Variants in PRUNE1 observed in about 807,000 individuals in gnomAD.
PRUNE1 encodes the protein exopolyphosphatase PRUNE1.
Under a neutral mutation model 42.5 loss-of-function variants are expected in PRUNE1, and 25 were observed. That is an observed-to-expected ratio of 0.59 (90% CI 0.43 to 0.82). The LOEUF (loss-of-function observed/expected upper bound fraction) is 0.82, where lower values mean the gene tolerates loss of function less well. Ranked by LOEUF, PRUNE1 falls within the 40% of genes least tolerant of loss-of-function variation. The pLI is 0.00. For missense variants in PRUNE1, 443 were observed against 539.3 expected, an observed-to-expected ratio of 0.82 and a Z score of 1.77; for synonymous variants, 203 against 217.1, an observed-to-expected ratio of 0.93 and a Z score of 0.57.
intron 1 of PRUNE1, among the ~76,000 whole-genome samples, chr1:151,015,550 C>T (rs1255652044): frequency 6.7e-6 from 1 of 150,234 alleles, no homozygotes; most frequent in Non-Finnish European, 1.5e-5. Flanking sequence ...AAGAGAATCT[C>T]TTGAACCCAG....
intron 7 of PRUNE1, 78 bp downstream of exon 7, chr1:151,029,022 T>C (rs1675061404): frequency 7.0e-7 from 1 of 1,422,042 alleles, no homozygotes; most frequent in African/African-American, 1.4e-5. Context: ...ACAGCTGTCC[T>C]ATAAGGACCT....
intron 3 of PRUNE1, among the ~76,000 whole-genome samples, chr1:151,022,235 A>T (rs766740929): frequency 2.0e-5 from 3 of 147,264 alleles, no homozygotes; most frequent in Non-Finnish European, 4.5e-5. Flanking sequence ...CAACCTCCCA[A>T]GTAGCTGGGA....
chr1:151,027,790 G>GCGCA (rs1259170586), intron 6 of PRUNE1, among the ~76,000 whole-genome samples: 25 of 150,480 alleles, frequency 1.7e-4, no homozygotes, highest in African/African-American at 5.9e-4. Flanking sequence ...GTGCGCGCGC[G>GCGCA]TGTATGTATG....
intron 1 of PRUNE1, among the ~76,000 whole-genome samples, chr1:151,009,894 G>A (rs1673646266): frequency 6.6e-6 from 1 of 152,146 alleles, no homozygotes; most frequent in Non-Finnish European, 1.5e-5. Flanking sequence ...CTAATGTAGA[G>A]TTTTTGGGGC....
chr1:151,031,854 T>A (rs1490177559), intron 7 of PRUNE1, among the ~76,000 whole-genome samples: 2 of 152,204 alleles, frequency 1.3e-5, no homozygotes, highest in Admixed American at 1.3e-4. Flanking sequence ...TTAACTGCCA[T>A]CATCTGCATG....
intron 3 of PRUNE1, among the ~76,000 whole-genome samples, chr1:151,021,206 G>A (rs1674411046): frequency 6.6e-6 from 1 of 150,994 alleles, no homozygotes; most frequent in Non-Finnish European, 1.5e-5. Context: ...TGTAATCCCA[G>A]CACTTTGGGA....
chr1:151,024,869 G>C (rs1480778252), intron 4 of PRUNE1, 74 bp downstream of exon 4: 2 of 1,455,648 alleles, frequency 1.4e-6, no homozygotes, highest in East Asian at 4.9e-5. Context: ...GAAAAGTCTA[G>C]ACGCTTCCAG....
intron 1 of PRUNE1, among the ~76,000 whole-genome samples, chr1:151,012,824 T>G (rs1673855520): frequency 6.6e-6 from 1 of 152,014 alleles, no homozygotes. Flanking sequence ...CAGGCTGGAG[T>G]GCAATGGTGG....
At chr1:151,021,723 CTT>C (rs778163573) in intron 3 of PRUNE1, among the ~76,000 whole-genome samples, 6 of 141,194 alleles carry the variant, frequency 4.2e-5, no homozygotes, top group East Asian at 2.1e-4. Context: ...CTTTTTTTTT[CTT>C]TTTTTTTTTT....
chr1:151,012,647 G>T (rs184166813), intron 1 of PRUNE1, among the ~76,000 whole-genome samples: 1 of 152,238 alleles, frequency 6.6e-6, no homozygotes, highest in African/African-American at 2.4e-5. Context: ...CTTGAACAAC[G>T]GGGAGAAGTA....
intron 1 of PRUNE1, among the ~76,000 whole-genome samples, chr1:151,010,466 C>A (rs1673707544): frequency 6.6e-6 from 1 of 152,084 alleles, no homozygotes; most frequent in Non-Finnish European, 1.5e-5. Flanking sequence ...ACCTTTCTCT[C>A]CCTGCATTCA....
intron 1 of PRUNE1, among the ~76,000 whole-genome samples, chr1:151,017,292 A>T (rs1383608731): frequency 6.6e-6 from 1 of 152,096 alleles, no homozygotes. Context: ...ACATTGAAGG[A>T]GATAGGAGGA....
At chr1:151,022,899 G>A (rs948455233) in intron 3 of PRUNE1, 4 of 152,212 alleles carry the variant, frequency 2.6e-5, no homozygotes, top group Non-Finnish European at 4.4e-5. Context: ...GGTGAATTGG[G>A]AGGGAGGAGG....
chr1:151,013,008 C>T (rs1673872805), intron 1 of PRUNE1, among the ~76,000 whole-genome samples: 1 of 152,082 alleles, frequency 6.6e-6, no homozygotes, highest in Non-Finnish European at 1.5e-5. Flanking sequence ...GGTGATTCGC[C>T]CACCTTGGCC....
intron 7 of PRUNE1, among the ~76,000 whole-genome samples, chr1:151,033,170 C>G (rs1043368967): frequency 2.0e-5 from 3 of 151,400 alleles, no homozygotes; most frequent in African/African-American, 7.3e-5. Flanking sequence ...ACTGCAACTT[C>G]TGTCTCCTGG....
At chr1:151,010,069 C>T (rs369376645) in intron 1 of PRUNE1, among the ~76,000 whole-genome samples, 1 of 152,226 alleles carries the variant, frequency 6.6e-6, no homozygotes, top group South Asian at 2.1e-4. Context: ...CCCCCGACCC[C>T]CAGGTTAGTA....
chr1:151,028,635 G>A lies in PRUNE1; in HGVS notation c.775-151G>A, dbSNP rs187313494. 30 of 704,844 alleles carry A rather than the reference G, an allele frequency of 4.3e-5. No homozygotes were observed. In the African/African-American group the frequency reaches 4.5e-4, roughly 10 times the overall value. 43.7% of individuals were successfully genotyped at this position (704,844 alleles called of 1,614,324 possible). A position where few individuals can be genotyped will look rare whatever the true frequency, so the allele number is the denominator to read the frequency against. ...GACAGGGTTTCACCATGTTGGCTAG[G>A]CTGGTCTCGAACTCCTGACCTCAAG... On this transcript the variant is annotated intron_variant, in intron 6 of 7. Transcript: ENST00000271620.
At chr1:151,013,099 G>C (rs1183887997) in intron 1 of PRUNE1, among the ~76,000 whole-genome samples, 1 of 152,158 alleles carries the variant, frequency 6.6e-6, no homozygotes, top group East Asian at 1.9e-4. Flanking sequence ...GAGGCTTAGA[G>C]GGTCCAAAGT....
chr1:151,009,985 C>T (rs966997745), intron 1 of PRUNE1, among the ~76,000 whole-genome samples: 1 of 152,154 alleles, frequency 6.6e-6, no homozygotes, highest in Non-Finnish European at 1.5e-5. Flanking sequence ...GGTAAAGTGC[C>T]CTTGGACCTG....
Sources: allele counts gnomAD v4.1 joint callset (sites outside exome capture counted in the v4.1 genomes callset), GRCh38; gene constraint gnomAD v4.1.1; transcripts MANE v1.5; gene names NCBI Gene and HGNC (gene_info 2026-07-23, HGNC 2026-07-21).